The following MYH9 variants were observed in gnomAD, a reference collection of about 807,000 sequenced individuals.
The protein encoded by MYH9 is myosin-9.
In MYH9, 29 loss-of-function variants were observed where a neutral mutation model predicts 241.9. That is an observed-to-expected ratio of 0.12 (90% CI 0.09 to 0.16). MYH9 has a LOEUF of 0.16. MYH9 is among the 10% of genes least tolerant of loss of function. MYH9 has a pLI of 1.00. For missense variants in MYH9, 1,803 were observed against 2,595.5 expected, an observed-to-expected ratio of 0.69 and a Z score of 6.63; for synonymous variants, 1,047 against 1,062.6, an observed-to-expected ratio of 0.99 and a Z score of 0.29.
chr22:36,283,495 C>T (rs1205444376), intron 40 of MYH9, among the ~76,000 whole-genome samples: 2 of 151,200 alleles, frequency 1.3e-5, no homozygotes, highest in African/African-American at 4.9e-5. Flanking sequence ...CGAGATTACA[C>T]CATTGCACTC....
intron 1 of MYH9, among the ~76,000 whole-genome samples, chr22:36,383,287 G>A (rs2018287351): frequency 6.6e-6 from 1 of 152,134 alleles, no homozygotes; most frequent in Non-Finnish European, 1.5e-5. Context: ...TGGAAGTAAG[G>A]TCTCCAGTCA....
chr22:36,285,466 G>A lies in MYH9; in HGVS notation c.5275-137C>T. On this transcript the variant is annotated intron_variant, in intron 37 of 40. Transcript: ENST00000216181. This position sits in a 1 kb window ranked among gnomAD's most constrained non-coding sequence, Gnocchi z 7.0. The stretch of plus-strand genomic sequence containing the variant: ...GTCTTGGGTCTCCCAGAAAAGGGAA[G>A]ATTAGAAACTTCTGAACACCCAACA... 2 of 1,307,766 alleles carry A rather than the reference G, an allele frequency of 1.5e-6. No individual in the cohort carries two copies. Among genetic ancestry groups the A allele is most frequent in the Non-Finnish European group, 2.2e-6 (2 of 929,662 alleles). 81.0% of individuals were successfully genotyped at this position (1,307,766 alleles called of 1,614,324 possible). A position where few individuals can be genotyped will look rare whatever the true frequency, so the allele number is the denominator to read the frequency against.
intron 3 of MYH9, among the ~76,000 whole-genome samples, chr22:36,332,963 G>A (rs2017447384): frequency 2.6e-5 from 4 of 152,142 alleles, no homozygotes; most frequent in South Asian, 2.1e-4. Context: ...ACATGCCACC[G>A]GGACACTCCC....
intron 1 of MYH9, among the ~76,000 whole-genome samples, chr22:36,374,783 G>T (rs1022888170): frequency 1.3e-5 from 2 of 152,182 alleles, no homozygotes; most frequent in Non-Finnish European, 2.9e-5. Flanking sequence ...CTGGGTCGTG[G>T]CCTAAGGAGG....
At chr22:36,328,845 G>C (rs1290995453) in intron 3 of MYH9, 1 of 152,230 alleles carries the variant, frequency 6.6e-6, no homozygotes, top group East Asian at 1.9e-4. Context: ...CTAGGCACTG[G>C]GAGAATGACT....
chr22:36,295,401 GGTGTGTGTGT>G lies in MYH9; in HGVS notation c.3485+94_3485+103del. On this transcript the variant is annotated intron_variant, in intron 26 of 40. Coordinates refer to ENST00000216181, the MANE Select transcript of MYH9 (RefSeq NM_002473.6). The surrounding 1 kb of genome is among the most constrained non-coding windows in gnomAD (Gnocchi z 4.1). ...GCCTGCTGGTGCCTAAGAGGGCCACGGTGTGTGTGTGTGTGTGTGTGCAGAGGCCCGGGGT... is the reference window on the plus strand; with the variant it reads ...GCCTGCTGGTGCCTAAGAGGGCCACGGTGTGTGTGTGCAGAGGCCCGGGGT... The G allele has an allele frequency of 1.2e-6, 1 of 808,622 alleles. No individual in the cohort carries two copies. Among genetic ancestry groups the G allele is most frequent in the Non-Finnish European group, 2.0e-6 (1 of 503,558 alleles). The allele number at this position is 808,622 out of a possible 1,614,324, so 50.1% of individuals were successfully genotyped here.
chr22:36,328,226 T>G (rs1363821918), intron 3 of MYH9, among the ~76,000 whole-genome samples: 1 of 152,202 alleles, frequency 6.6e-6, no homozygotes, highest in Non-Finnish European at 1.5e-5. Flanking sequence ...TCAGGAACTT[T>G]CAGCAACTAT....
chr22:36,327,635 G>T, intron 3 of MYH9, 147 bp from the exon 4 acceptor site: 1 of 951,934 alleles, frequency 1.1e-6, no homozygotes, highest in Non-Finnish European at 1.6e-6. Context: ...CCTCACACCT[G>T]GCTAGGAGGA....
At chr22:36,384,545 T>G (rs1369989738) in intron 1 of MYH9, among the ~76,000 whole-genome samples, 1 of 116,020 alleles carries the variant, frequency 8.6e-6, no homozygotes, top group Non-Finnish European at 1.6e-5. Context: ...GTCACGCCAT[T>G]GCACTCTAGC....
At chr22:36,377,672 G>A (rs1183712601) in intron 1 of MYH9, among the ~76,000 whole-genome samples, 2 of 152,124 alleles carry the variant, frequency 1.3e-5, no homozygotes, top group African/African-American at 4.8e-5. Context: ...CACTTTGGGA[G>A]GCCAAGGCGG....
At position 36,288,228 on chromosome 22, in the gene MYH9, C is replaced by T. The variant is rs774167664; in HGVS notation, c.4932+24G>A. On this transcript the variant is annotated intron_variant, in intron 34 of 40. Coordinates refer to ENST00000216181, the MANE Select transcript of MYH9 (RefSeq NM_002473.6). This position sits in a 1 kb window ranked among gnomAD's most constrained non-coding sequence, Gnocchi z 4.8. ...GGCTCAGTCGGGTGCCGCCCACCCTCACCTGGGCCCCGCCCACCCTTACCT... is the reference window on the plus strand; with the variant it reads ...GGCTCAGTCGGGTGCCGCCCACCCTTACCTGGGCCCCGCCCACCCTTACCT... The T allele has an allele frequency of 1.2e-6, 2 of 1,612,838 alleles. No individual in the cohort carries two copies. Among genetic ancestry groups the T allele is most frequent in the East Asian group, 4.5e-5 (2 of 44,874 alleles).
intron 3 of MYH9, among the ~76,000 whole-genome samples, chr22:36,340,925 TGACAGGGGGGCAGAAGCCA>T (rs2017577190): frequency 6.6e-6 from 1 of 151,462 alleles, no homozygotes; most frequent in African/African-American, 2.4e-5. Flanking sequence ...GAAGCCAGAG[TGACAGGGGGGCAGAAGCCA>T]CCCGAGGCTC....
chr22:36,286,806 C>A lies in MYH9; in HGVS notation c.4973G>T (p.Arg1658Leu), dbSNP rs375515914. The change falls in exon 35 of 41, where the codon CGC (arginine) becomes CTC (leucine). Residue 1658 changes from arginine to leucine, a missense_variant. Arg to Leu is a moderately radical substitution (Grantham distance 102). This residue lies in a region of MYH9 where 876 missense variants were observed against 1,077.8 expected (regional missense o/e 0.81). Transcript: ENST00000216181. ...KDCMRELDDTRASREEILAQA... is the reference protein window; with the variant it reads ...KDCMRELDDTLASREEILAQA... ...GGCCAGGATCTCCTCACGAGAGGCGCGGGTGTCATCCAGCTCGCGCATGCA... is the reference window on the plus strand; with the variant it reads ...GGCCAGGATCTCCTCACGAGAGGCGAGGGTGTCATCCAGCTCGCGCATGCA... 6 of 1,611,784 alleles carry A rather than the reference C, an allele frequency of 3.7e-6. No homozygotes were observed. The South Asian group carries it at 4.4e-5, about 12-fold the overall frequency.
intron 23 of MYH9, 44 bp from the exon 24 acceptor site, chr22:36,299,086 C>T (rs2016834134): frequency 1.2e-6 from 2 of 1,612,868 alleles, no homozygotes; most frequent in Non-Finnish European, 1.7e-6. Flanking sequence ...TGGTTGAGCA[C>T]AGAACACTTG....
At position 36,289,151 on chromosome 22, in the gene MYH9, C is replaced by A; in HGVS notation, c.4491G>T (p.Arg1497=). The change falls in exon 32 of 41, where the codon CGG becomes CGT. Residue 1497 remains arginine (R), a synonymous_variant. Transcript: ENST00000216181. The part of the protein sequence containing the change: ...EAMEQKAELE[R]LNKQFRTEME... Reference sequence around the variant, plus strand: ...TCTCCGTGCGGAACTGCTTGTTGAGCCGCTCCAGCTCCGCCTTCTGCTCCA... The same window carrying A: ...TCTCCGTGCGGAACTGCTTGTTGAGACGCTCCAGCTCCGCCTTCTGCTCCA... The A allele has an allele frequency of 3.7e-6, 6 of 1,613,990 alleles. No individual in the cohort carries two copies. Among genetic ancestry groups the A allele is most frequent in the Non-Finnish European group, 5.1e-6 (6 of 1,180,036 alleles).
chr22:36,353,554 T>C (rs547967645), intron 1 of MYH9, among the ~76,000 whole-genome samples: 6 of 152,062 alleles, frequency 3.9e-5, no homozygotes, highest in African/African-American at 1.4e-4. Context: ...AGAGATGGGG[T>C]TTTAGGTCAG....
At chr22:36,311,905 T>TC in intron 14 of MYH9, 144 bp downstream of exon 14, 2 of 920,656 alleles carry the variant, frequency 2.2e-6, no homozygotes, top group South Asian at 2.8e-5. Flanking sequence ...ACCGGCCACA[T>TC]TACTGGGTGA....
In MYH9 at chr22:36,305,123, C is replaced by A. The variant is rs777783358; in HGVS notation, c.2160-21G>T. The A allele has an allele frequency of 1.2e-6, 2 of 1,604,428 alleles. No individual in the cohort carries two copies. Among genetic ancestry groups the A allele is most frequent in the Non-Finnish European group, 1.7e-6 (2 of 1,171,224 alleles). On this transcript the variant is annotated intron_variant, in intron 17 of 40. Coordinates refer to ENST00000216181, the MANE Select transcript of MYH9 (RefSeq NM_002473.6). The surrounding 1 kb of genome is among the most constrained non-coding windows in gnomAD (Gnocchi z 4.7). The stretch of plus-strand genomic sequence containing the variant: ...CATATCTGAGGAAGGAAAGAGAAGC[C>A]TGGTCATTTTACCCATTGCCTCGAT...
At chr22:36,362,531 C>T (rs1243953617) in intron 1 of MYH9, among the ~76,000 whole-genome samples, 6 of 152,132 alleles carry the variant, frequency 3.9e-5, no homozygotes, top group Admixed American at 2.6e-4. Context: ...CTCTGTTGCC[C>T]GGGCTGGAGT....
Sources: gnomAD v4.1 joint callset for allele counts (sites outside exome capture counted in the v4.1 genomes callset) on GRCh38, gnomAD v4.1.1 for gene constraint, gnomAD v4.1.1 regional missense constraint, Gnocchi (gnomAD v3.1) non-coding constraint, MANE v1.5 for transcripts, NCBI Gene and HGNC (gene_info 2026-07-23, HGNC 2026-07-21) for gene names.